The following GNB1 variants were observed in gnomAD, a reference collection of about 807,000 sequenced individuals.
The protein encoded by GNB1 is G protein subunit beta 1, also known as guanine nucleotide-binding protein G(I)/G(S)/G(T) subunit beta-1.
A neutral mutation model predicts 42.9 loss-of-function variants in GNB1; 2 were observed. That is an observed-to-expected ratio of 0.05 (90% CI 0.02 to 0.15). GNB1 has a LOEUF of 0.15. Among genes scored for constraint, GNB1 ranks in the 10% least tolerant of loss-of-function variants. The pLI, the probability that GNB1 is intolerant of heterozygous loss-of-function variation, is 1.00. For missense variants in GNB1, 193 were observed against 462.2 expected (o/e 0.42, Z 5.34); for synonymous variants, 183 against 174.7 (o/e 1.05, Z -0.38).
intron 3 of GNB1, among the ~76,000 whole-genome samples, chr1:1,823,093 T>C (rs1227814693): frequency 2.0e-5 from 3 of 151,608 alleles, no homozygotes; most frequent in African/African-American, 7.3e-5. Flanking sequence ...GTACAAAAAA[T>C]TAGCCGGGTG....
chr1:1,845,291 A>G (rs1557922530), intron 1 of GNB1, among the ~76,000 whole-genome samples: 1 of 152,204 alleles, frequency 6.6e-6, no homozygotes. Flanking sequence ...TGCTTAAAGT[A>G]GGCCGGGTGC....
chr1:1,833,455 C>G (rs909333548), intron 2 of GNB1, among the ~76,000 whole-genome samples: 9 of 152,100 alleles, frequency 5.9e-5, no homozygotes, highest in Non-Finnish European at 1.0e-4. Context: ...ATAAGGGGAG[C>G]AGGGGACCAC....
chr1:1,880,616 A>G (rs1649794744), intron 1 of GNB1, among the ~76,000 whole-genome samples: 1 of 152,160 alleles, frequency 6.6e-6, no homozygotes, highest in African/African-American at 2.4e-5. Context: ...TATGATGATG[A>G]AAACAGTTCT....
intron 3 of GNB1, among the ~76,000 whole-genome samples, chr1:1,821,659 G>A (rs1646931303): frequency 2.0e-5 from 3 of 152,188 alleles, no homozygotes; most frequent in South Asian, 2.1e-4. Context: ...CTGGTACTTC[G>A]GAGACAAAGC....
At position 1,821,193 on chromosome 1, in the gene GNB1, G is replaced by A. The variant is rs16825348; in HGVS notation, c.58-3318C>T. Reference sequence around the variant, plus strand: ...TGGAGTCGCTGGACATTTTGGACCGGGCATCCATTGCAGCTGCCTCTCGCA... The same window carrying A: ...TGGAGTCGCTGGACATTTTGGACCGAGCATCCATTGCAGCTGCCTCTCGCA... On this transcript the variant is annotated intron_variant, in intron 3 of 11. Transcript: ENST00000378609. Among the ~76,000 whole-genome samples the A allele has an allele frequency of 2.7e-3, 418 of 152,228 alleles. 4 individuals carry two copies. Among genetic ancestry groups the A allele is most frequent in the African/African-American group, 9.1e-3 (377 of 41,522 alleles).
At chr1:1,807,493 A>AAAAAAAAAAAAAAAAAAAAC (rs1557892277) in intron 5 of GNB1, among the ~76,000 whole-genome samples, 1 of 144,172 alleles carries the variant, frequency 6.9e-6, no homozygotes, top group East Asian at 2.1e-4. Context: ...AAAAAAAAAA[A>AAAAAAAAAAAAAAAAAAAAC]CAAACAGAAA....
chr1:1,832,531 T>A (rs189726643), intron 2 of GNB1, among the ~76,000 whole-genome samples: 2 of 152,378 alleles, frequency 1.3e-5, no homozygotes, highest in African/African-American at 2.4e-5. Context: ...TGAAGGGATC[T>A]GCCCCTACTT....
chr1:1,815,525 A>T (rs2100854932), intron 5 of GNB1, among the ~76,000 whole-genome samples: 1 of 152,372 alleles, frequency 6.6e-6, no homozygotes, highest in South Asian at 2.1e-4. Flanking sequence ...ACTTGTATTA[A>T]TGTGATTCAG....
At chr1:1,855,529 A>G (rs1243849272) in intron 1 of GNB1, among the ~76,000 whole-genome samples, 6 of 151,638 alleles carry the variant, frequency 4.0e-5, no homozygotes, top group Admixed American at 1.3e-4. Context: ...GTGAAACCCC[A>G]TCTCTACTAA....
At chr1:1,864,601 C>T (rs1437879375) in intron 1 of GNB1, among the ~76,000 whole-genome samples, 1 of 152,158 alleles carries the variant, frequency 6.6e-6, no homozygotes, top group East Asian at 1.9e-4. Flanking sequence ...AGAAACCTGA[C>T]ATTCCTGCAC....
intron 1 of GNB1, among the ~76,000 whole-genome samples, chr1:1,844,056 G>A (rs1419870173): frequency 1.3e-5 from 2 of 151,972 alleles, no homozygotes; most frequent in East Asian, 1.9e-4. Flanking sequence ...TTAGCTGGGC[G>A]TGGTGGCGGG....
intron 1 of GNB1, among the ~76,000 whole-genome samples, chr1:1,848,308 G>A (rs1460325559): frequency 1.3e-5 from 2 of 148,608 alleles, no homozygotes; most frequent in Admixed American, 1.4e-4. Context: ...GAACCCAGGA[G>A]GCGGAGGCTG....
intron 1 of GNB1, among the ~76,000 whole-genome samples, chr1:1,868,903 AG>A (rs1649093726): frequency 1.3e-5 from 2 of 151,990 alleles, no homozygotes. Flanking sequence ...AGTTATTTAC[AG>A]CCAGGCGTGG....
chr1:1,862,340 G>C (rs1648677636), intron 1 of GNB1, among the ~76,000 whole-genome samples: 1 of 152,222 alleles, frequency 6.6e-6, no homozygotes, highest in Non-Finnish European at 1.5e-5. Context: ...TCGGAGGCTT[G>C]TCAGGTAAAT....
intron 7 of GNB1, among the ~76,000 whole-genome samples, chr1:1,796,653 A>G (rs1039173992): frequency 2.0e-5 from 3 of 152,160 alleles, no homozygotes; most frequent in Non-Finnish European, 4.4e-5. Context: ...CTGTGCTGCC[A>G]CCCTCTGGAA....
chr1:1,809,282 C>G (rs561717858), intron 5 of GNB1, among the ~76,000 whole-genome samples: 9 of 148,274 alleles, frequency 6.1e-5, no homozygotes, highest in Middle Eastern at 3.5e-3. Context: ...GCAAGCAATT[C>G]TCGTGCGTCA....
intron 7 of GNB1, 121 bp downstream of exon 7, chr1:1,804,298 C>CA (rs939715914): frequency 1.4e-4 from 97 of 709,316 alleles, no homozygotes; most frequent in South Asian, 1.6e-4. Flanking sequence ...GACTCCGCCT[C>CA]AAAAAAAATA....
At chr1:1,859,409 C>A (rs1370561625) in intron 1 of GNB1, among the ~76,000 whole-genome samples, 1 of 151,968 alleles carries the variant, frequency 6.6e-6, no homozygotes, top group African/African-American at 2.4e-5. Flanking sequence ...AAGGGCTGGG[C>A]GTGGTGGCTC....
At chr1:1,842,497 T>C (rs1425080054) in intron 1 of GNB1, among the ~76,000 whole-genome samples, 1 of 149,098 alleles carries the variant, frequency 6.7e-6, no homozygotes, top group Non-Finnish European at 1.5e-5. Flanking sequence ...ACCTCACAAA[T>C]ATGCTAAGTG....
Sources: gnomAD v4.1 joint callset for allele counts (sites outside exome capture counted in the v4.1 genomes callset) on GRCh38, gnomAD v4.1.1 for gene constraint, MANE v1.5 for transcripts, NCBI Gene and HGNC (gene_info 2026-07-23, HGNC 2026-07-21) for gene names.